PRPF40B: variants seen among roughly 807,000 people sequenced by gnomAD.
PRPF40B encodes the protein pre-mRNA-processing factor 40 homolog B.
PRPF40B carries 56 observed loss-of-function variants against 124.5 expected under a neutral mutation model. The observed-to-expected ratio is 0.45, with a 90% confidence interval of 0.36 to 0.56. The LOEUF (loss-of-function observed/expected upper bound fraction) is 0.56, where lower values mean the gene tolerates loss of function less well. Ranked by LOEUF, PRPF40B falls within the 20% of genes least tolerant of loss-of-function variation. The pLI is 0.00. For synonymous variants in PRPF40B, 443 were observed against 426.4 expected, an observed-to-expected ratio of 1.04 and a Z score of -0.48; for missense variants, 1,053 against 1,169.5, an observed-to-expected ratio of 0.90 and a Z score of 1.45.
chr12:49,625,338 C>T (rs2138375994), intron 1 of PRPF40B, among the ~76,000 whole-genome samples: 1 of 152,280 alleles, frequency 6.6e-6, no homozygotes, highest in South Asian at 2.1e-4. Context: ...GTCTTGGAAC[C>T]TTGGTCAGGT....
In PRPF40B at chr12:49,631,526, G is replaced by A. The variant is rs749338482; in HGVS notation, c.210G>A (p.Ala70=). The A allele has an allele frequency of 1.9e-5, 30 of 1,548,132 alleles. 1 individual carries two copies. Among genetic ancestry groups the A allele is most frequent in the South Asian group, 6.3e-5 (5 of 79,060 alleles). ...ILPPMLPPMG[A]PPPLTQIPGM... ...CCCCAATGCTTCCACCAATGGGGGCGCCACCACCACTCACACAGGTAATTG... is the reference window on the plus strand; with the variant it reads ...CCCCAATGCTTCCACCAATGGGGGCACCACCACCACTCACACAGGTAATTG... The change falls in exon 3 of 26, where the codon GCG becomes GCA. Residue 70 remains alanine (A), a synonymous_variant. Transcript: ENST00000548825. The surrounding 1 kb of genome is among the most constrained non-coding windows in gnomAD (Gnocchi z 4.3).
intron 18 of PRPF40B, 133 bp from the exon 19 acceptor site, chr12:49,641,775 A>C: frequency 5.8e-6 from 4 of 693,404 alleles, no homozygotes; most frequent in Non-Finnish European, 9.8e-6. Context: ...TTGGTTTCTA[A>C]TGCAGACCAC....
At position 49,643,027 on chromosome 12, in the gene PRPF40B, G is replaced by T. The variant is rs150633132; in HGVS notation, c.2205+11G>T. Reference sequence around the variant, plus strand: ...TCCCACTCACCCTCAGTGAGTAAGCGTGTAGAAGGGACATGGGGTGAAGCT... The same window carrying T: ...TCCCACTCACCCTCAGTGAGTAAGCTTGTAGAAGGGACATGGGGTGAAGCT... On this transcript the variant is annotated intron_variant, in intron 22 of 25. Coordinates refer to ENST00000548825, the MANE Select transcript of PRPF40B (RefSeq NM_001031698.3). 2 of 1,612,730 alleles carry T rather than the reference G, an allele frequency of 1.2e-6. No individual in the cohort carries two copies. The highest frequency in any genetic ancestry group is 1.1e-5 in the South Asian group (1 of 90,954).
At chr12:49,639,336 G>A (rs892651172) in intron 18 of PRPF40B, 1 of 152,156 alleles carries the variant, frequency 6.6e-6, no homozygotes, top group Non-Finnish European at 1.5e-5. Context: ...TCCTACTGTT[G>A]GGGCTACTTG....
intron 1 of PRPF40B, among the ~76,000 whole-genome samples, chr12:49,627,641 G>A (rs1017276437): frequency 1.3e-5 from 2 of 152,166 alleles, no homozygotes; most frequent in Non-Finnish European, 2.9e-5. Flanking sequence ...ATAGTACTGG[G>A]TAGGGGGTTT....
chr12:49,639,047 C>G (rs1480423439), intron 18 of PRPF40B: 1 of 152,192 alleles, frequency 6.6e-6, no homozygotes, highest in African/African-American at 2.4e-5. Flanking sequence ...TCCTCTCTTT[C>G]TCTGGAACCA....
intron 16 of PRPF40B, 66 bp downstream of exon 16, chr12:49,636,915 TC>T: frequency 6.2e-7 from 1 of 1,605,008 alleles, no homozygotes; most frequent in African/African-American, 1.3e-5. Flanking sequence ...CTTCACCCAT[TC>T]CCTGCCCCCT....
chr12:49,642,038 C>G lies in PRPF40B; in HGVS notation c.1884+14C>G. On this transcript the variant is annotated intron_variant, in intron 19 of 25. Coordinates refer to ENST00000548825, the MANE Select transcript of PRPF40B (RefSeq NM_001031698.3). This position sits in a 1 kb window ranked among gnomAD's most constrained non-coding sequence, Gnocchi z 5.8. ...ACCTTCAATAGTGTGAGGGGCTGGG[C>G]GGGGCGTGGGAAGTTCTCTAATTCA... The G allele has an allele frequency of 1.2e-6, 2 of 1,603,832 alleles. No homozygotes were observed. The highest frequency in any genetic ancestry group is 1.7e-6 in the Non-Finnish European group (2 of 1,173,480).
At chr12:49,637,056 A>T (rs1941919960) in intron 16 of PRPF40B, 5 of 741,940 alleles carry the variant, frequency 6.7e-6, no homozygotes, top group South Asian at 5.7e-5. Flanking sequence ...GACTAGATGT[A>T]TGCACCACCC....
At chr12:49,637,685 C>A (rs760430553) in intron 17 of PRPF40B, 48 bp from the exon 18 acceptor site, 2 of 1,475,342 alleles carry the variant, frequency 1.4e-6, no homozygotes, top group Non-Finnish European at 1.9e-6. Flanking sequence ...AGCCCCCAGG[C>A]CTTGGGAAGC....
Position 49,631,846 on chromosome 12 carries a change from C to T in PRPF40B, c.229-14C>T, listed in dbSNP as rs1244611087. 20 of 1,613,308 alleles carry T rather than the reference C, an allele frequency of 1.2e-5. No individual in the cohort carries two copies. Among genetic ancestry groups the T allele is most frequent in the Admixed American group, 1.7e-5 (1 of 60,024 alleles). The stretch of plus-strand genomic sequence containing the variant: ...TACCTTGGTGGTTGGTTTCTGTCTT[C>T]TTTGTATCCATAGATACCAGGAATG... On this transcript the variant is annotated splice_polypyrimidine_tract_variant and intron_variant, in intron 3 of 25. Transcript: ENST00000548825. This position sits in a 1 kb window ranked among gnomAD's most constrained non-coding sequence, Gnocchi z 4.3.
chr12:49,635,655 A>G lies in PRPF40B; in HGVS notation c.1275+182A>G, dbSNP rs903334323. 6.6e-6 allele frequency among the ~76,000 whole-genome samples: 1 copy of G among 152,048 alleles called. No homozygotes were observed. Among genetic ancestry groups the G allele is most frequent in the African/African-American group, 2.4e-5 (1 of 41,372 alleles). ...CTGGGCCTATAGTCCTGGGTGTAGC[A>G]GGGAGGAGGAGTCTCTGAGAGATGG... On this transcript the variant is annotated intron_variant, in intron 14 of 25. Transcript: ENST00000548825. The surrounding 1 kb of genome is among the most constrained non-coding windows in gnomAD (Gnocchi z 4.1).
chr12:49,644,552 A>G lies in PRPF40B; in HGVS notation c.*360A>G, dbSNP rs1943077914. 1 of 288,912 alleles carries G rather than the reference A, an allele frequency of 3.5e-6. No homozygotes were observed. The allele number at this position is 288,912 out of a possible 1,614,324, so 17.9% of individuals were successfully genotyped here. On this transcript the variant is annotated 3_prime_UTR_variant, in exon 26 of 26. Transcript: ENST00000548825. ...GGCAGGGTCATCACCCTCTAGCATC[A>G]GTGCCTGCTCCTGCCTGCCCTGGCC...
At chr12:49,629,188 C>G (rs778773788) in intron 1 of PRPF40B, among the ~76,000 whole-genome samples, 1 of 152,190 alleles carries the variant, frequency 6.6e-6, no homozygotes, top group Non-Finnish European at 1.5e-5. Context: ...TCTACCATTT[C>G]TTGTGTATCA....
At chr12:49,636,997 G>C (rs1017789212) in intron 16 of PRPF40B, 148 bp downstream of exon 16, 3 of 1,194,274 alleles carry the variant, frequency 2.5e-6, no homozygotes, top group African/African-American at 3.0e-5. Flanking sequence ...TCTGCCTGCA[G>C]TCTGTTTCTG....
rs749204929 is a variant in PRPF40B, at chr12:49,633,031, G to A, written c.366G>A (p.Glu122=). The change falls in exon 7 of 26, where the codon GAG becomes GAA. Residue 122 remains glutamate (E), a synonymous_variant. Coordinates refer to ENST00000548825, the MANE Select transcript of PRPF40B (RefSeq NM_001031698.3). The part of the protein sequence containing the change: ...GTGPPRALWS[E]HVAPDGRIYY... ...CCACCCAGAGGGCCCTATGGAGTGA[G>A]CATGTGGCCCCAGATGGGCGCATCT... 1 of 1,521,668 alleles carries A rather than the reference G, an allele frequency of 6.6e-7. No individual in the cohort carries two copies. The highest frequency in any genetic ancestry group is 2.4e-5 in the East Asian group (1 of 41,168). The allele number at this position is 1,521,668 out of a possible 1,614,324, so 94.3% of individuals were successfully genotyped here.
chr12:49,632,145 C>G (rs908661143), intron 4 of PRPF40B: 3 of 619,716 alleles, frequency 4.8e-6, no homozygotes. Context: ...TTGTTACTCA[C>G]GTGCCTTGTC....
rs757796060 is a variant in PRPF40B at position 49,635,877 on chromosome 12, A to G, written c.1310A>G (p.Gln437Arg). ...AAGCAGCTCCGGCGCCGCAATATCCAGGCCCTAAAGAGCATCCTGGATGGG... is the reference window on the plus strand; with the variant it reads ...AAGCAGCTCCGGCGCCGCAATATCCGGGCCCTAAAGAGCATCCTGGATGGG... ...QAKQLRRRNIQALKSILDGMS... is the reference protein window; with the variant it reads ...QAKQLRRRNIRALKSILDGMS... The change falls in exon 15 of 26, where the codon CAG (glutamine) becomes CGG (arginine). Residue 437 changes from glutamine to arginine, a missense_variant. By Grantham distance (43) the Gln-to-Arg change is conservative. Transcript: ENST00000548825. The surrounding 1 kb of genome is among the most constrained non-coding windows in gnomAD (Gnocchi z 4.1). 16 of 1,613,896 alleles carry G rather than the reference A, an allele frequency of 9.9e-6. No homozygotes were observed. The highest frequency in any genetic ancestry group is 8.3e-5 in the Admixed American group (5 of 59,990).
rs1194146166 is a variant in PRPF40B at position 49,624,341 on chromosome 12, G to C, written c.3+748G>C. Among the ~76,000 whole-genome samples the C allele has an allele frequency of 2.6e-5, 4 of 152,202 alleles. No homozygotes were observed. The East Asian group carries it at 7.7e-4, about 29-fold the overall frequency. ...AAGCAAAGGAAAGGATGAAGATGGA[G>C]GCGAGGCCTTGGGCTGGGGCTGGAG... On this transcript the variant is annotated intron_variant, in intron 1 of 25. Transcript: ENST00000548825.
Sources: gnomAD v4.1 joint callset for allele counts (sites outside exome capture counted in the v4.1 genomes callset) on GRCh38, gnomAD v4.1.1 for gene constraint, Gnocchi (gnomAD v3.1) non-coding constraint, MANE v1.5 for transcripts, NCBI Gene and HGNC (gene_info 2026-07-23, HGNC 2026-07-21) for gene names.